The following PCDHA2 variants were observed in gnomAD, a reference collection of about 807,000 sequenced individuals.
PCDHA2 encodes protocadherin alpha 2.
PCDHA2 carries 58 observed loss-of-function variants against 66.0 expected under a neutral mutation model. That is an observed-to-expected ratio of 0.88 (90% CI 0.71 to 1.09). The LOEUF (loss-of-function observed/expected upper bound fraction) is 1.09. Ranked by LOEUF, PCDHA2 falls within the 50% of genes least tolerant of loss-of-function variation. PCDHA2 has a pLI of 0.00. For synonymous variants in PCDHA2, 634 were observed against 554.0 expected (o/e 1.14, Z -2.03); for missense variants, 1,267 against 1,242.3 (o/e 1.02, Z -0.30).
At chr5:140,894,957 T>C (rs530563833) in intron 1 of PCDHA2, among the ~76,000 whole-genome samples, 1 of 152,206 alleles carries the variant, frequency 6.6e-6, no homozygotes, top group African/African-American at 2.4e-5. Flanking sequence ...ATGATAAAAA[T>C]ATAATTTTTT....
At chr5:140,909,087 T>G (rs2074309493) in intron 1 of PCDHA2, among the ~76,000 whole-genome samples, 1 of 152,234 alleles carries the variant, frequency 6.6e-6, no homozygotes, top group Admixed American at 6.5e-5. Flanking sequence ...TGTTTGCTAC[T>G]TCTCACTCAC....
intron 1 of PCDHA2, chr5:140,812,553 TGTTAA>T (rs1226442565): frequency 6.6e-6 from 1 of 152,168 alleles, no homozygotes; most frequent in Non-Finnish European, 1.5e-5. Context: ...TTCCTTGAGT[TGTTAA>T]GTTTTTTATT....
At chr5:140,833,764 A>G (rs1310770035) in intron 1 of PCDHA2, among the ~76,000 whole-genome samples, 2 of 151,920 alleles carry the variant, frequency 1.3e-5, no homozygotes, top group African/African-American at 4.8e-5. Context: ...ACACACACAC[A>G]CACCGCTTTC....
At chr5:140,809,783 A>T (rs1764542228) in intron 1 of PCDHA2, 2 of 499,904 alleles carry the variant, frequency 4.0e-6, no homozygotes, top group Non-Finnish European at 6.9e-6. Flanking sequence ...AATGCATATT[A>T]ACAGAACTGT....
chr5:140,870,883 C>A (rs782137761), intron 1 of PCDHA2: 1 of 1,613,920 alleles, frequency 6.2e-7, no homozygotes, highest in Non-Finnish European at 8.5e-7. Context: ...GGCGAAGGTG[C>A]GCGCAGTGGA....
chr5:140,940,361 A>T (rs1396183629), intron 1 of PCDHA2, among the ~76,000 whole-genome samples: 1 of 152,210 alleles, frequency 6.6e-6, no homozygotes, highest in Non-Finnish European at 1.5e-5. Flanking sequence ...TGCTATTAAA[A>T]GTATTCCTTG....
intron 1 of PCDHA2, among the ~76,000 whole-genome samples, chr5:140,944,240 T>C (rs374307364): frequency 2.1e-4 from 32 of 152,316 alleles, no homozygotes; most frequent in African/African-American, 7.5e-4. Flanking sequence ...CAGGCTGGAG[T>C]GCAGTGATGT....
At chr5:140,999,656 G>A (rs1483832540) in intron 3 of PCDHA2, among the ~76,000 whole-genome samples, 2 of 152,148 alleles carry the variant, frequency 1.3e-5, no homozygotes, top group African/African-American at 4.8e-5. Context: ...CCTGAGCCCT[G>A]CTGGGTTGCG....
chr5:140,862,911 G>A (rs781861917), intron 1 of PCDHA2: 3 of 549,326 alleles, frequency 5.5e-6, no homozygotes, highest in Admixed American at 3.9e-5. Context: ...CGCTGCTGGC[G>A]CCTTGGGTGG....
chr5:140,822,802 A>G, intron 1 of PCDHA2: 3 of 1,614,170 alleles, frequency 1.9e-6, no homozygotes, highest in Middle Eastern at 3.3e-4. Flanking sequence ...CCTGGATGTG[A>G]ATGATAATAC....
At chr5:140,960,186 G>A (rs2153724328) in intron 1 of PCDHA2, among the ~76,000 whole-genome samples, 1 of 152,260 alleles carries the variant, frequency 6.6e-6, no homozygotes, top group East Asian at 1.9e-4. Flanking sequence ...GGGGTTGCAT[G>A]TGTAGTGGTC....
At chr5:140,957,397 A>C (rs553656426) in intron 1 of PCDHA2, among the ~76,000 whole-genome samples, 1 of 152,282 alleles carries the variant, frequency 6.6e-6, no homozygotes, top group South Asian at 2.1e-4. Context: ...AATTGTCCTA[A>C]TTTATTATTA....
intron 1 of PCDHA2, chr5:140,870,001 G>C (rs782788057): frequency 1.2e-6 from 2 of 1,613,448 alleles, no homozygotes; most frequent in African/African-American, 1.3e-5. Context: ...AAATAATGGA[G>C]AAGTGAGGGT....
intron 1 of PCDHA2, among the ~76,000 whole-genome samples, chr5:140,840,978 T>C (rs1453461465): frequency 6.6e-6 from 1 of 152,022 alleles, no homozygotes; most frequent in African/African-American, 2.4e-5. Context: ...GAAGAAGAAA[T>C]CCCTAGCTGA....
At chr5:140,975,206 T>G (rs2096657939) in intron 1 of PCDHA2, among the ~76,000 whole-genome samples, 1 of 152,232 alleles carries the variant, frequency 6.6e-6, no homozygotes, top group African/African-American at 2.4e-5. Context: ...TCTTCATGGC[T>G]GGCACTGGAG....
At chr5:140,869,322 C>A (rs1169893950) in intron 1 of PCDHA2, 12 of 1,613,702 alleles carry the variant, frequency 7.4e-6, no homozygotes, top group Non-Finnish European at 1.0e-5. Context: ...CACATGGGGA[C>A]CTTCTGGAGG....
intron 3 of PCDHA2, among the ~76,000 whole-genome samples, chr5:140,989,801 G>A (rs1554251107): frequency 1.3e-5 from 2 of 152,184 alleles, no homozygotes; most frequent in Non-Finnish European, 1.5e-5. Context: ...CCCAGGAAAG[G>A]GCCATAAGAT....
At chr5:140,808,379 G>C in intron 1 of PCDHA2, 1 of 1,614,190 alleles carries the variant, frequency 6.2e-7, no homozygotes, top group Middle Eastern at 1.7e-4. Flanking sequence ...CTTCAAGCTG[G>C]TGTCCACCTT....
intron 1 of PCDHA2, chr5:140,884,716 GTTGT>G (rs782735758): frequency 2.8e-5 from 41 of 1,468,898 alleles, no homozygotes; most frequent in Middle Eastern, 3.6e-4. Flanking sequence ...CTTCCTTGCA[GTTGT>G]TTGTTTAAGA....
Sources: allele counts gnomAD v4.1 joint callset (sites outside exome capture counted in the v4.1 genomes callset), GRCh38; gene constraint gnomAD v4.1.1; transcripts MANE v1.5; gene names NCBI Gene and HGNC (gene_info 2026-07-23, HGNC 2026-07-21).